The following SLC10A7 variants were observed in gnomAD, a reference collection of about 807,000 sequenced individuals.
SLC10A7 encodes solute carrier family 10 member 7, also known as sodium/bile acid cotransporter 7.
SLC10A7 carries 29 observed loss-of-function variants against 43.2 expected under a neutral mutation model. That is an observed-to-expected ratio of 0.67 (90% CI 0.50 to 0.92). The LOEUF (loss-of-function observed/expected upper bound fraction) is 0.92, where lower values mean the gene tolerates loss of function less well. Ranked by LOEUF, SLC10A7 falls within the 40% of genes least tolerant of loss-of-function variation. The pLI is 0.00. For missense variants in SLC10A7, 295 were observed against 403.2 expected, an observed-to-expected ratio of 0.73 and a Z score of 2.30; for synonymous variants, 152 against 144.8, an observed-to-expected ratio of 1.05 and a Z score of -0.35.
intron 5 of SLC10A7, among the ~76,000 whole-genome samples, chr4:146,390,559 CCAG>C (rs1342561353): frequency 1.3e-5 from 2 of 152,030 alleles, no homozygotes; most frequent in Admixed American, 6.6e-5. Context: ...GAGCCTTGGG[CCAG>C]CAGGTCAAGA....
At chr4:146,479,730 G>T (rs1339235264) in intron 4 of SLC10A7, among the ~76,000 whole-genome samples, 1 of 152,116 alleles carries the variant, frequency 6.6e-6, no homozygotes, top group Non-Finnish European at 1.5e-5. Flanking sequence ...TATACTTGAT[G>T]CCACTGAACT....
intron 9 of SLC10A7, among the ~76,000 whole-genome samples, chr4:146,286,175 G>T (rs76450926): frequency 2.1e-4 from 24 of 114,980 alleles, no homozygotes; most frequent in South Asian, 7.3e-4. Context: ...TGAGAAGGAC[G>T]GAGTTTGGAG....
intron 3 of SLC10A7, among the ~76,000 whole-genome samples, chr4:146,506,753 G>GT (rs1282118731): frequency 1.0e-3 from 151 of 150,292 alleles, no homozygotes; most frequent in Middle Eastern, 3.4e-3. Context: ...TGTTTGTTTG[G>GT]TTTTTTTTTG....
At chr4:146,397,946 C>T (rs1457536907) in intron 5 of SLC10A7, among the ~76,000 whole-genome samples, 2 of 152,248 alleles carry the variant, frequency 1.3e-5, no homozygotes, top group Non-Finnish European at 2.9e-5. Flanking sequence ...CTCTGAGGAC[C>T]AGAAGTTTAA....
Position 146,293,603 on chromosome 4 carries a change from T to C in SLC10A7, c.721+327A>G, listed in dbSNP as rs540540431. Among the ~76,000 whole-genome samples the C allele has an allele frequency of 7.2e-5, 11 of 152,262 alleles. No homozygotes were observed. The South Asian group carries it at 2.3e-3, about 32-fold the overall frequency. ...AAATCACAATAAGGGGTAAGATCAGTTTAAAGCTATAATAAACTAAATTGG... is the reference window on the plus strand; with the variant it reads ...AAATCACAATAAGGGGTAAGATCAGCTTAAAGCTATAATAAACTAAATTGG... On this transcript the variant is annotated intron_variant, in intron 8 of 11. Transcript: ENST00000335472.
intron 11 of SLC10A7, among the ~76,000 whole-genome samples, chr4:146,258,296 G>A (rs1378059146): frequency 6.6e-6 from 1 of 152,156 alleles, no homozygotes; most frequent in Non-Finnish European, 1.5e-5. Flanking sequence ...ATAATGCCAG[G>A]TTCTATCTTA....
intron 5 of SLC10A7, among the ~76,000 whole-genome samples, chr4:146,383,405 T>A (rs1579048248): frequency 1.3e-5 from 2 of 152,092 alleles, no homozygotes; most frequent in African/African-American, 4.8e-5. Context: ...TTGTACAGGG[T>A]GTACACCGAG....
chr4:146,488,347 T>C (rs1182548065), intron 4 of SLC10A7, among the ~76,000 whole-genome samples: 1 of 152,164 alleles, frequency 6.6e-6, no homozygotes, highest in African/African-American at 2.4e-5. Flanking sequence ...TCACCACTTA[T>C]TTTAAATAAG....
intron 5 of SLC10A7, among the ~76,000 whole-genome samples, chr4:146,345,838 A>G (rs181736157): frequency 3.4e-4 from 51 of 152,236 alleles, no homozygotes; most frequent in African/African-American, 1.1e-3. Context: ...ATACATGAAT[A>G]ATAGGTATTA....
intron 5 of SLC10A7, among the ~76,000 whole-genome samples, chr4:146,426,818 T>C (rs548125192): frequency 1.4e-3 from 211 of 152,272 alleles, no homozygotes; most frequent in African/African-American, 5.0e-3. Flanking sequence ...GAGGTTGCAG[T>C]GAGCCAAGAT....
intron 5 of SLC10A7, among the ~76,000 whole-genome samples, chr4:146,355,204 C>T (rs1735483017): frequency 6.6e-6 from 1 of 151,800 alleles, no homozygotes; most frequent in South Asian, 2.1e-4. Context: ...AAAAAACAAT[C>T]AACCCCATCA....
intron 4 of SLC10A7, among the ~76,000 whole-genome samples, chr4:146,449,748 T>A (rs1337243435): frequency 6.6e-6 from 1 of 152,174 alleles, no homozygotes; most frequent in Non-Finnish European, 1.5e-5. Flanking sequence ...GCCCTATTTT[T>A]AAATTCTTAT....
chr4:146,521,627 C>T lies in SLC10A7; in HGVS notation c.91G>A (p.Val31Met). The stretch of plus-strand genomic sequence containing the variant: ...GAGGTGCAGCACTTACCCCCATTCA[C>T]CCCTATGGACGGCTCCAGTTTAGCT... ...AGAKLEPSIG[V>M]NGGPLKPEIT... Residue 31 changes from valine to methionine, a missense_variant, in exon 1 of 12, where the codon GTG (valine) becomes ATG (methionine). Physicochemically the swap from Val to Met is conservative, Grantham distance 21. Around this residue, in one of 2 missense-constraint regions of SLC10A7, gnomAD observed 53 missense variants for 40.7 expected, o/e 1.30. Transcript: ENST00000335472. 1.2e-6 allele frequency: 2 copies of T among 1,613,920 alleles called. No individual in the cohort carries two copies. Among genetic ancestry groups the T allele is most frequent in the African/African-American group, 1.3e-5 (1 of 75,044 alleles).
Position 146,256,271 on chromosome 4 carries a change from C to T in SLC10A7, c.*220G>A. On this transcript the variant is annotated 3_prime_UTR_variant, in exon 12 of 12. Coordinates refer to ENST00000335472, the MANE Select transcript of SLC10A7 (RefSeq NM_001029998.6). The stretch of plus-strand genomic sequence containing the variant: ...CCTGCATTAGGAAAGCAAAATTAAC[C>T]CCCAAATATTGTACCACCCCTGGCA... 3.6e-6 allele frequency: 2 copies of T among 557,000 alleles called. No homozygotes were observed. Among genetic ancestry groups the T allele is most frequent in the East Asian group, 3.1e-5 (1 of 32,708 alleles). The allele number at this position is 557,000 out of a possible 1,614,324, so 34.5% of individuals were successfully genotyped here.
chr4:146,426,944 G>A lies in SLC10A7; in HGVS notation c.435+15839C>T, dbSNP rs188360153. 2.8e-3 allele frequency among the ~76,000 whole-genome samples: 426 copies of A among 152,284 alleles called. 4 individuals are homozygous for A. The highest frequency in any genetic ancestry group is 0.01 in the African/African-American group (417 of 41,562). On this transcript the variant is annotated intron_variant, in intron 5 of 11. Transcript: ENST00000335472. ...TGGTGACTCACTATTTAGCAGTCTC[G>A]TAGAGAAATGAACAGTCAGGGACAA... is the stretch of plus-strand genomic sequence containing the variant.
chr4:146,392,578 A>G (rs1738518591), intron 5 of SLC10A7, among the ~76,000 whole-genome samples: 1 of 152,156 alleles, frequency 6.6e-6, no homozygotes, highest in Admixed American at 6.5e-5. Flanking sequence ...AAAATTGGCA[A>G]TGCCAATTAT....
At chr4:146,484,787 T>C (rs559811132) in intron 4 of SLC10A7, among the ~76,000 whole-genome samples, 18 of 152,310 alleles carry the variant, frequency 1.2e-4, no homozygotes, top group South Asian at 1.0e-3. Context: ...GTGGGAGTTA[T>C]TGATATATCA....
intron 4 of SLC10A7, among the ~76,000 whole-genome samples, chr4:146,502,551 T>G (rs1456501935): frequency 7.0e-6 from 1 of 143,120 alleles, no homozygotes; most frequent in African/African-American, 2.6e-5. Flanking sequence ...GGGGGTATAT[T>G]ATATATAAAC....
At chr4:146,402,233 C>G (rs1156927351) in intron 5 of SLC10A7, among the ~76,000 whole-genome samples, 2 of 152,178 alleles carry the variant, frequency 1.3e-5, no homozygotes, top group South Asian at 4.1e-4. Context: ...ATCTATCTAT[C>G]TACATGTATT....
Sources: gnomAD v4.1 joint callset for allele counts (sites outside exome capture counted in the v4.1 genomes callset) on GRCh38, gnomAD v4.1.1 for gene constraint, gnomAD v4.1.1 regional missense constraint, MANE v1.5 for transcripts, NCBI Gene and HGNC (gene_info 2026-07-23, HGNC 2026-07-21) for gene names.